MTMR2: variants seen among roughly 807,000 people sequenced by gnomAD.
MTMR2 encodes phosphatidylinositol-3,5-bisphosphate 3-phosphatase MTMR2.
A neutral mutation model predicts 86.9 loss-of-function variants in MTMR2; 55 were observed. The ratio of observed to expected loss-of-function variants is 0.63; its 90% CI spans 0.51 to 0.79. MTMR2 has a LOEUF of 0.79. Among genes scored for constraint, MTMR2 ranks in the 30% least tolerant of loss-of-function variants. MTMR2 has a pLI of 0.00. For synonymous variants in MTMR2, 241 were observed against 266.8 expected (o/e 0.90, Z 0.94); for missense variants, 659 against 772.3 (o/e 0.85, Z 1.74).
At position 95,836,466 on chromosome 11, in the gene MTMR2, ATAT is replaced by A. The variant is rs1203189378; in HGVS notation, c.1594-145_1594-143del. On this transcript the variant is annotated intron_variant, in intron 13 of 14. Coordinates refer to ENST00000346299, the MANE Select transcript of MTMR2 (RefSeq NM_016156.6). ...GGAGACTTCAGTGATAAACCAACTT[ATAT>A]TAAGATCAGAGGGTACTGGAAAACA... 4.0e-6 allele frequency: 3 copies of A among 754,576 alleles called. No homozygotes were observed. The African/African-American group carries it at 5.2e-5, about 13-fold the overall frequency. 46.7% of individuals were successfully genotyped at this position (754,576 alleles called of 1,614,324 possible).
intron 5 of MTMR2, among the ~76,000 whole-genome samples, chr11:95,858,999 G>C (rs549455390): frequency 1.3e-5 from 2 of 152,210 alleles, no homozygotes; most frequent in African/African-American, 4.8e-5. Context: ...CCCTGTGAAA[G>C]CCCATTTTCT....
rs192367839 is a variant in MTMR2, at chr11:95,850,534, C to T, written c.804+66G>A. 8 of 1,471,480 alleles carry T rather than the reference C, an allele frequency of 5.4e-6. No homozygotes were observed. In the African/African-American group the frequency reaches 9.7e-5, roughly 18 times the overall value. The allele number at this position is 1,471,480 out of a possible 1,614,324, so 91.2% of individuals were successfully genotyped here. A position where few individuals can be genotyped will look rare whatever the true frequency, so the allele number is the denominator to read the frequency against. On this transcript the variant is annotated intron_variant, in intron 8 of 14. Coordinates refer to ENST00000346299, the MANE Select transcript of MTMR2 (RefSeq NM_016156.6). ...TATATCCTGAATCCATTCTCCTACT[C>T]ATTAATCTCAGCATTATGTTGAGTA...
chr11:95,904,691 T>C (rs1044631701), intron 1 of MTMR2, among the ~76,000 whole-genome samples: 1 of 152,142 alleles, frequency 6.6e-6, no homozygotes, highest in Admixed American at 6.5e-5. Flanking sequence ...GAAATAACCA[T>C]AAAAATGGGC....
chr11:95,885,100 G>T lies in MTMR2; in HGVS notation c.186+3056C>A, dbSNP rs557912673. ...CATTGAAACAATTCCTGCAAACAGA[G>T]CTGATGTATAAATTTGACAGACTCC... On this transcript the variant is annotated intron_variant, in intron 2 of 14. Coordinates refer to ENST00000346299, the MANE Select transcript of MTMR2 (RefSeq NM_016156.6). Among the ~76,000 whole-genome samples the T allele has an allele frequency of 1.3e-4, 20 of 152,180 alleles. 1 individual carries two copies. In the East Asian group the frequency reaches 3.9e-3, roughly 29 times the overall value.
chr11:95,853,111 T>C (rs895673588), intron 7 of MTMR2, among the ~76,000 whole-genome samples: 9 of 143,936 alleles, frequency 6.3e-5, no homozygotes, highest in African/African-American at 2.2e-4. Flanking sequence ...ATATTTCATA[T>C]TTTTTATATA....
chr11:95,902,172 G>C (rs1244162266), intron 1 of MTMR2, among the ~76,000 whole-genome samples: 3 of 152,076 alleles, frequency 2.0e-5, no homozygotes, highest in Admixed American at 2.0e-4. Flanking sequence ...CTGAATCTCA[G>C]TTTCTTTCTA....
intron 1 of MTMR2, among the ~76,000 whole-genome samples, chr11:95,917,824 G>A (rs1866766518): frequency 6.6e-6 from 1 of 152,184 alleles, no homozygotes; most frequent in South Asian, 2.1e-4. Flanking sequence ...GCTGTGTCAG[G>A]GGTGGCAGAA....
At position 95,835,288 on chromosome 11, in the gene MTMR2, C is replaced by CTTTA. The variant is rs758042172; in HGVS notation, c.1930_*1dup. ...CAATGATGCCCCTGATCTTACAGTC[C>CTTTA]TTTATACAACAGTTTGGACAGGAGT... On this transcript the variant is annotated 3_prime_UTR_variant, in exon 15 of 15. Coordinates refer to ENST00000346299, the MANE Select transcript of MTMR2 (RefSeq NM_016156.6). 2.5e-6 allele frequency: 4 copies of CTTTA among 1,612,474 alleles called. No homozygotes were observed. The African/African-American group carries it at 4.0e-5, about 16-fold the overall frequency.
Position 95,865,723 on chromosome 11 carries a change from T to TA in MTMR2, c.187-48dup, listed in dbSNP as rs777178953. 2.0e-6 allele frequency: 3 copies of TA among 1,489,256 alleles called. No homozygotes were observed. In the East Asian group the frequency reaches 6.8e-5, roughly 34 times the overall value. 92.3% of individuals were successfully genotyped at this position (1,489,256 alleles called of 1,614,324 possible). On this transcript the variant is annotated intron_variant, in intron 2 of 14. Coordinates refer to ENST00000346299, the MANE Select transcript of MTMR2 (RefSeq NM_016156.6). The stretch of plus-strand genomic sequence containing the variant: ...AAGAAACATTTTTTTATTCAAAGGC[T>TA]ACTTTTTCACTCATATTTCAACTGA...
rs1673979986 is a variant in MTMR2, at chr11:95,924,054, G to C, written c.-100C>G. On this transcript the variant is annotated 5_prime_UTR_variant, in exon 1 of 15. Coordinates refer to ENST00000346299, the MANE Select transcript of MTMR2 (RefSeq NM_016156.6). ...GTGCTACGGACCGGGGCCGCAGTCA[G>C]GCCAGCGCCGGCCCGGGAGGGAGAC... is the stretch of plus-strand genomic sequence containing the variant. 8.3e-6 allele frequency: 12 copies of C among 1,439,398 alleles called. No individual in the cohort carries two copies. Among genetic ancestry groups the C allele is most frequent in the Non-Finnish European group, 1.0e-5 (11 of 1,048,278 alleles). 89.2% of individuals were successfully genotyped at this position (1,439,398 alleles called of 1,614,324 possible).
Position 95,857,546 on chromosome 11 carries a change from A to G in MTMR2, c.654+6T>C. On this transcript the variant is annotated splice_donor_region_variant and intron_variant, in intron 7 of 14. Transcript: ENST00000346299. ...TACTAAAATTGAAAGAGAAGAAAGT[A>G]CATACCTGCCTTCTATACTCTAAAA... 1 of 1,591,896 alleles carries G rather than the reference A, an allele frequency of 6.3e-7. No individual in the cohort carries two copies. The highest frequency in any genetic ancestry group is 8.6e-7 in the Non-Finnish European group (1 of 1,160,024).
intron 11 of MTMR2, among the ~76,000 whole-genome samples, chr11:95,843,298 C>T (rs1018754042): frequency 6.6e-6 from 1 of 152,126 alleles, no homozygotes; most frequent in African/African-American, 2.4e-5. Context: ...TGATGAAATG[C>T]ATTTACATTT....
chr11:95,867,242 G>A (rs190351209), intron 2 of MTMR2, among the ~76,000 whole-genome samples: 24 of 152,202 alleles, frequency 1.6e-4, no homozygotes, highest in African/African-American at 5.5e-4. Flanking sequence ...CACTTATAAC[G>A]CTGGGCAGTA....
intron 2 of MTMR2, among the ~76,000 whole-genome samples, chr11:95,878,124 G>A (rs1865190620): frequency 6.7e-6 from 1 of 149,884 alleles, no homozygotes; most frequent in Middle Eastern, 3.2e-3. Flanking sequence ...AAAGAAATTA[G>A]CTATCAAGCC....
intron 6 of MTMR2, 49 bp from the exon 7 acceptor site, chr11:95,857,684 G>T (rs1417323734): frequency 8.0e-7 from 1 of 1,252,104 alleles, no homozygotes; most frequent in Non-Finnish European, 1.2e-6. Flanking sequence ...ATTCACAAAG[G>T]TAATGAATCA....
At chr11:95,879,161 C>T (rs535239757) in intron 2 of MTMR2, among the ~76,000 whole-genome samples, 1 of 145,914 alleles carries the variant, frequency 6.9e-6, no homozygotes, top group South Asian at 2.1e-4. Flanking sequence ...GAGATCAGAA[C>T]CAGAGGTAAA....
At chr11:95,853,113 TTTTA>T (rs952964634) in intron 7 of MTMR2, among the ~76,000 whole-genome samples, 7 of 149,282 alleles carry the variant, frequency 4.7e-5, no homozygotes, top group Admixed American at 2.7e-4. Context: ...ATTTCATATT[TTTTA>T]TATATGTATA....
chr11:95,909,520 A>C (rs1258727103), intron 1 of MTMR2, among the ~76,000 whole-genome samples: 1 of 152,126 alleles, frequency 6.6e-6, no homozygotes, highest in Non-Finnish European at 1.5e-5. Flanking sequence ...CCACACCTCA[A>C]AACACCAACT....
intron 11 of MTMR2, among the ~76,000 whole-genome samples, chr11:95,842,186 C>G (rs778010533): frequency 7.2e-5 from 11 of 152,152 alleles, no homozygotes; most frequent in Admixed American, 2.0e-4. Context: ...TTTTGATGTG[C>G]AAACTGCTCA....
Sources: allele counts gnomAD v4.1 joint callset (sites outside exome capture counted in the v4.1 genomes callset), GRCh38; gene constraint gnomAD v4.1.1; transcripts MANE v1.5; gene names NCBI Gene and HGNC (gene_info 2026-07-23, HGNC 2026-07-21).